The following TTC28 variants were observed in gnomAD, a reference collection of about 807,000 sequenced individuals.
TTC28 encodes tetratricopeptide repeat domain 28, also known as tetratricopeptide repeat protein 28.
In TTC28, 61 loss-of-function variants were observed where a neutral mutation model predicts 198.0. The ratio of observed to expected loss-of-function variants is 0.31; its 90% CI spans 0.25 to 0.38. TTC28 has a LOEUF of 0.38. TTC28 is among the 10% of genes least tolerant of loss of function. The pLI is 1.00. For synonymous variants in TTC28, 1,171 were observed against 1,297.8 expected (o/e 0.90, Z 2.10); for missense variants, 2,678 against 3,164.0 (o/e 0.85, Z 3.69).
intron 2 of TTC28, among the ~76,000 whole-genome samples, chr22:28,592,288 C>T (rs1371965178): frequency 6.6e-6 from 1 of 151,936 alleles, no homozygotes; most frequent in Admixed American, 6.6e-5. Context: ...AAGTGTGAGG[C>T]TACAGTGAGC....
chr22:28,223,694 C>A (rs555114627), intron 5 of TTC28, among the ~76,000 whole-genome samples: 4 of 152,228 alleles, frequency 2.6e-5, no homozygotes, highest in Non-Finnish European at 4.4e-5. Flanking sequence ...TGGCTAGGTT[C>A]AAGATTTAAT....
intron 3 of TTC28, among the ~76,000 whole-genome samples, chr22:28,305,190 A>C (rs1167681381): frequency 1.3e-5 from 2 of 151,924 alleles, no homozygotes; most frequent in Non-Finnish European, 2.9e-5. Flanking sequence ...CCAGGGTTTC[A>C]CCGTGTTGGT....
intron 6 of TTC28, among the ~76,000 whole-genome samples, chr22:28,117,745 C>T (rs943061046): frequency 6.6e-6 from 1 of 152,188 alleles, no homozygotes; most frequent in Non-Finnish European, 1.5e-5. Context: ...TTTAAATTCT[C>T]TCTTGAGAAA....
chr22:28,338,718 G>A (rs886500416), intron 2 of TTC28, among the ~76,000 whole-genome samples: 1 of 151,948 alleles, frequency 6.6e-6, no homozygotes, highest in African/African-American at 2.4e-5. Flanking sequence ...CTCTGCATTG[G>A]TTATTCTAGT....
At chr22:28,591,038 CACATATATATATATAT>C (rs1393688087) in intron 2 of TTC28, among the ~76,000 whole-genome samples, 12 of 24,526 alleles carry the variant, frequency 4.9e-4, no homozygotes, top group South Asian at 1.3e-3. Context: ...CACACACACA[CACATATATATATATAT>C]ATATATATAT....
At chr22:28,564,046 A>G (rs1400278982) in intron 2 of TTC28, among the ~76,000 whole-genome samples, 3 of 152,222 alleles carry the variant, frequency 2.0e-5, no homozygotes, top group Non-Finnish European at 4.4e-5. Flanking sequence ...AAATAATCAC[A>G]TATTACATGA....
At chr22:28,124,693 C>T (rs1942873591) in intron 6 of TTC28, among the ~76,000 whole-genome samples, 1 of 152,134 alleles carries the variant, frequency 6.6e-6, no homozygotes, top group African/African-American at 2.4e-5. Context: ...AAGCAAGATA[C>T]AGGAGAGAAG....
chr22:28,513,259 T>C (rs572124055), intron 2 of TTC28, among the ~76,000 whole-genome samples: 1 of 152,276 alleles, frequency 6.6e-6, no homozygotes, highest in South Asian at 2.1e-4. Context: ...CCTATACGAG[T>C]CATGCCCAAA....
intron 1 of TTC28, among the ~76,000 whole-genome samples, chr22:28,669,341 G>T (rs1450245374): frequency 6.6e-6 from 1 of 151,784 alleles, no homozygotes; most frequent in Non-Finnish European, 1.5e-5. Context: ...TTCACATGGG[G>T]CCACATGTCT....
intron 6 of TTC28, among the ~76,000 whole-genome samples, chr22:28,135,001 T>A (rs997703815): frequency 6.6e-6 from 1 of 152,240 alleles, no homozygotes; most frequent in Non-Finnish European, 1.5e-5. Flanking sequence ...AGTGTCAGTA[T>A]CCATTGGCTG....
chr22:28,254,195 G>A (rs1930725170), intron 5 of TTC28, among the ~76,000 whole-genome samples: 1 of 151,970 alleles, frequency 6.6e-6, no homozygotes, highest in Non-Finnish European at 1.5e-5. Context: ...GTACCTAAAT[G>A]CATGTGTCCA....
intron 2 of TTC28, among the ~76,000 whole-genome samples, chr22:28,526,836 A>G (rs1201444152): frequency 6.6e-6 from 1 of 151,812 alleles, no homozygotes; most frequent in Admixed American, 6.6e-5. Context: ...GGCTCACTGC[A>G]ACCTCCGCCT....
At chr22:28,143,332 A>T (rs1290939766) in intron 6 of TTC28, among the ~76,000 whole-genome samples, 1 of 152,244 alleles carries the variant, frequency 6.6e-6, no homozygotes, top group African/African-American at 2.4e-5. Flanking sequence ...CAGTCAGAAA[A>T]GGTCAAAAAG....
chr22:28,632,148 T>C lies in TTC28; in HGVS notation c.103-2318A>G, dbSNP rs1221514402. On this transcript the variant is annotated intron_variant, in intron 1 of 22. Coordinates refer to ENST00000397906, the MANE Select transcript of TTC28 (RefSeq NM_001145418.2). The stretch of plus-strand genomic sequence containing the variant: ...AGATCTAATCACACATATGAGCGAC[T>C]GTTCTTCCTCTGTTCACACGGATAT... Among the ~76,000 whole-genome samples, 6 of 151,912 alleles carry C rather than the reference T, an allele frequency of 3.9e-5. No homozygotes were observed. In the East Asian group the frequency reaches 1.2e-3, roughly 29 times the overall value.
At chr22:28,459,154 T>G (rs1284913209) in intron 2 of TTC28, among the ~76,000 whole-genome samples, 1 of 152,052 alleles carries the variant, frequency 6.6e-6, no homozygotes, top group Non-Finnish European at 1.5e-5. Context: ...GGGCCAGGCA[T>G]AGTGGCTCAT....
chr22:28,412,121 C>T (rs2047090701), intron 2 of TTC28, among the ~76,000 whole-genome samples: 1 of 152,216 alleles, frequency 6.6e-6, no homozygotes, highest in Non-Finnish European at 1.5e-5. Flanking sequence ...TACACAGGTT[C>T]TCCAAATATA....
chr22:28,607,211 T>A (rs1018725852), intron 2 of TTC28, among the ~76,000 whole-genome samples: 7 of 152,180 alleles, frequency 4.6e-5, no homozygotes, highest in African/African-American at 1.4e-4. Flanking sequence ...TGCTCAAGCT[T>A]AACTATTTAT....
rs11362041 is a variant in TTC28 at position 28,043,242 on chromosome 22, C to CAAAAAAAAAAAAAA, written c.3933-12890_3933-12877dup. Among the ~76,000 whole-genome samples, 123 of 65,574 alleles carry CAAAAAAAAAAAAAA rather than the reference C, an allele frequency of 1.9e-3. 15 individuals are homozygous for CAAAAAAAAAAAAAA. Among genetic ancestry groups the CAAAAAAAAAAAAAA allele is most frequent in the African/African-American group, 3.6e-3 (59 of 16,416 alleles). The allele number at this position is 65,574 out of a possible 152,430, so 43.0% of individuals were successfully genotyped here. ...TGCATAACAGAGTAAGACTCCATCT[C>CAAAAAAAAAAAAAA]AAAAAAAAAAAAAAAAAAAAAAAAA... On this transcript the variant is annotated intron_variant, in intron 12 of 22. Coordinates refer to ENST00000397906, the MANE Select transcript of TTC28 (RefSeq NM_001145418.2).
intron 13 of TTC28, among the ~76,000 whole-genome samples, chr22:28,020,778 A>AACAG (rs1555903821): frequency 2.5e-4 from 37 of 148,996 alleles, no homozygotes; most frequent in Middle Eastern, 3.5e-3. Context: ...CCCCTCCCCC[A>AACAG]ACACACACAC....
Sources: gnomAD v4.1 joint callset for allele counts (sites outside exome capture counted in the v4.1 genomes callset) on GRCh38, gnomAD v4.1.1 for gene constraint, MANE v1.5 for transcripts, NCBI Gene and HGNC (gene_info 2026-07-23, HGNC 2026-07-21) for gene names.